Variants in KIF13B observed in about 807,000 individuals in gnomAD.
The protein encoded by KIF13B is kinesin-like protein KIF13B.
In KIF13B, 127 loss-of-function variants were observed where a neutral mutation model predicts 222.0. That is an observed-to-expected ratio of 0.57 (90% CI 0.50 to 0.66). KIF13B has a LOEUF of 0.66. Among genes scored for constraint, KIF13B ranks in the 30% least tolerant of loss-of-function variants. The pLI is 0.00. For missense variants in KIF13B, 2,173 were observed against 2,379.0 expected (o/e 0.91, Z 1.80); for synonymous variants, 976 against 919.0 (o/e 1.06, Z -1.12).
chr8:29,109,114 T>C (rs2133607691), intron 34 of KIF13B, among the ~76,000 whole-genome samples: 1 of 152,342 alleles, frequency 6.6e-6, no homozygotes, highest in Middle Eastern at 3.4e-3. Flanking sequence ...GAAAATGGCA[T>C]TGGCTTGCCA....
At chr8:29,074,903 C>T (rs1408795676) in intron 38 of KIF13B, among the ~76,000 whole-genome samples, 1 of 152,162 alleles carries the variant, frequency 6.6e-6, no homozygotes, top group East Asian at 1.9e-4. Context: ...ACTATTTTCT[C>T]CACAGCTTAG....
At chr8:29,251,923 T>C (rs1236826592) in intron 1 of KIF13B, among the ~76,000 whole-genome samples, 1 of 151,986 alleles carries the variant, frequency 6.6e-6, no homozygotes, top group Non-Finnish European at 1.5e-5. Flanking sequence ...AAAGTAGTAC[T>C]GTAAGTTTAT....
intron 2 of KIF13B, among the ~76,000 whole-genome samples, chr8:29,218,189 C>T (rs1814579882): frequency 6.6e-6 from 1 of 152,154 alleles, no homozygotes; most frequent in South Asian, 2.1e-4. Context: ...ATCCTGCTGC[C>T]TCCACACCAG....
chr8:29,181,494 G>GAC (rs1357114627), intron 7 of KIF13B, among the ~76,000 whole-genome samples: 1 of 152,046 alleles, frequency 6.6e-6, no homozygotes. Flanking sequence ...AATCCTACCT[G>GAC]ACACACATCA....
intron 31 of KIF13B, among the ~76,000 whole-genome samples, 187 bp from the exon 32 acceptor site, chr8:29,113,742 T>TTC (rs1413248159): frequency 2.0e-5 from 3 of 152,214 alleles, no homozygotes; most frequent in African/African-American, 7.2e-5. Context: ...AACCAACTTA[T>TTC]TAGATGCCCA....
chr8:29,208,285 CAT>C (rs1402040302), intron 2 of KIF13B, among the ~76,000 whole-genome samples: 2 of 152,158 alleles, frequency 1.3e-5, no homozygotes, highest in East Asian at 1.9e-4. Context: ...GCTATTTAAA[CAT>C]ATGTGCATAT....
rs79887202 is a variant in KIF13B, at chr8:29,108,379, A to G, written c.4162-187T>C. Among the ~76,000 whole-genome samples, 821 of 152,326 alleles carry G rather than the reference A, an allele frequency of 5.4e-3. 6 individuals carry two copies. Among genetic ancestry groups the G allele is most frequent in the African/African-American group, 0.018 (749 of 41,564 alleles). On this transcript the variant is annotated intron_variant, in intron 34 of 39. Coordinates refer to ENST00000524189, the MANE Select transcript of KIF13B (RefSeq NM_015254.4). ...TACAAACATTGAATTGGTTATGAAC[A>G]ATTTTCAGATGAGAGATTTCTATAA... is the stretch of plus-strand genomic sequence containing the variant.
intron 30 of KIF13B, among the ~76,000 whole-genome samples, chr8:29,117,901 T>C (rs140161281): frequency 6.6e-5 from 10 of 152,212 alleles, no homozygotes; most frequent in Non-Finnish European, 4.4e-5. Context: ...CTCATGTCTG[T>C]CATCCCAGCA....
In KIF13B at chr8:29,155,340, C is replaced by T. The variant is rs967946394; in HGVS notation, c.1535+386G>A. Among the ~76,000 whole-genome samples, 21 of 152,182 alleles carry T rather than the reference C, an allele frequency of 1.4e-4. 1 individual carries two copies. Among genetic ancestry groups the T allele is most frequent in the Admixed American group, 7.2e-4 (11 of 15,276 alleles). ...CAGGAGAACATGGCAGCACTTAACC[C>T]TGCAGACCCAACAGGAGTTAGCAGG... On this transcript the variant is annotated intron_variant, in intron 14 of 39. Coordinates refer to ENST00000524189, the MANE Select transcript of KIF13B (RefSeq NM_015254.4).
chr8:29,238,980 G>A (rs1815637100), intron 2 of KIF13B, among the ~76,000 whole-genome samples: 1 of 152,222 alleles, frequency 6.6e-6, no homozygotes, highest in South Asian at 2.1e-4. Flanking sequence ...GGAGGCTGCA[G>A]TGAGCAGTGA....
At chr8:29,198,329 T>G (rs969421194) in intron 2 of KIF13B, among the ~76,000 whole-genome samples, 9 of 113,856 alleles carry the variant, frequency 7.9e-5, no homozygotes, top group South Asian at 2.9e-4. Context: ...TTGTTTTTTG[T>G]TTTTTTTTGA....
intron 2 of KIF13B, among the ~76,000 whole-genome samples, chr8:29,243,744 C>A (rs1815889063): frequency 6.6e-6 from 1 of 152,044 alleles, no homozygotes; most frequent in African/African-American, 2.4e-5. Context: ...TGTTTCTTAT[C>A]TGGGTGCCAC....
intron 10 of KIF13B, among the ~76,000 whole-genome samples, chr8:29,174,506 A>G (rs560087858): frequency 4.2e-4 from 64 of 152,334 alleles, no homozygotes; most frequent in South Asian, 1.4e-3. Flanking sequence ...TCAAGTAACA[A>G]TATCTGAATA....
intron 2 of KIF13B, among the ~76,000 whole-genome samples, chr8:29,238,013 G>A (rs369961318): frequency 6.6e-6 from 1 of 152,108 alleles, no homozygotes; most frequent in South Asian, 2.1e-4. Context: ...AACATACCAC[G>A]TACTGTTCTC....
intron 1 of KIF13B, among the ~76,000 whole-genome samples, chr8:29,256,789 C>T (rs895351525): frequency 6.6e-6 from 1 of 152,182 alleles, no homozygotes; most frequent in Non-Finnish European, 1.5e-5. Flanking sequence ...CAGTCTCGCT[C>T]TGTCGCCCAG....
At position 29,071,654 on chromosome 8, in the gene KIF13B, G is replaced by A; in HGVS notation, c.5184C>T (p.Gly1728=). The A allele has an allele frequency of 1.3e-6, 2 of 1,555,248 alleles. No individual in the cohort carries two copies. The highest frequency in any genetic ancestry group is 1.2e-5 in the South Asian group (1 of 84,286). ...RYVGPADFQE[G]TWVGVELDLP... ...GGTCGAGCTCCACGCCGACCCACGTGCCCTCTTGGAAGTCGGCAGGCCCCA... is the reference window on the plus strand; with the variant it reads ...GGTCGAGCTCCACGCCGACCCACGTACCCTCTTGGAAGTCGGCAGGCCCCA... The change falls in exon 39 of 40, where the codon GGC becomes GGT. Residue 1728 remains glycine (G), a synonymous_variant. Transcript: ENST00000524189. The surrounding 1 kb of genome is among the most constrained non-coding windows in gnomAD (Gnocchi z 4.9).
intron 4 of KIF13B, 75 bp downstream of exon 4, chr8:29,190,922 C>T: frequency 1.7e-6 from 2 of 1,158,368 alleles, no homozygotes; most frequent in Non-Finnish European, 1.3e-6. Context: ...GTTTGCCAAG[C>T]AATCGTGTAA....
At chr8:29,233,242 T>C (rs1815365691) in intron 2 of KIF13B, among the ~76,000 whole-genome samples, 1 of 152,212 alleles carries the variant, frequency 6.6e-6, no homozygotes, top group Non-Finnish European at 1.5e-5. Flanking sequence ...CCACAAACCC[T>C]ATCAATAGCA....
chr8:29,101,097 C>T (rs559540627), intron 35 of KIF13B, among the ~76,000 whole-genome samples: 3 of 152,248 alleles, frequency 2.0e-5, no homozygotes, highest in Admixed American at 6.5e-5. Flanking sequence ...AGCGGAGGAG[C>T]GCTGGCATCC....
Sources: allele counts gnomAD v4.1 joint callset (sites outside exome capture counted in the v4.1 genomes callset), GRCh38; gene constraint gnomAD v4.1.1; non-coding constraint Gnocchi (gnomAD v3.1); transcripts MANE v1.5; gene names NCBI Gene and HGNC (gene_info 2026-07-23, HGNC 2026-07-21).